The following TMEM254 variants were observed in gnomAD, a reference collection of about 807,000 sequenced individuals.
TMEM254 encodes transmembrane protein C10orf57.
TMEM254 carries 16 observed loss-of-function variants against 13.9 expected under a neutral mutation model. The ratio of observed to expected loss-of-function variants is 1.15; its 90% CI spans 0.78 to 1.75. TMEM254 has a LOEUF of 1.75. TMEM254 is among the 40% of genes most tolerant of loss of function. The probability of loss-of-function intolerance (pLI) is 0.00; values close to 1 mark genes in which losing one functional copy is unlikely to be tolerated. For missense variants in TMEM254, 155 were observed against 149.0 expected, an observed-to-expected ratio of 1.04 and a Z score of -0.21; for synonymous variants, 61 against 56.4, an observed-to-expected ratio of 1.08 and a Z score of -0.36.
rs1219913970 is a variant in TMEM254 at position 80,091,446 on chromosome 10, A to G, written c.*529A>G. 1 of 152,320 alleles carries G rather than the reference A, an allele frequency of 6.6e-6. No homozygotes were observed. The highest frequency in any genetic ancestry group is 1.5e-5 in the Non-Finnish European group (1 of 68,174). 9.4% of individuals were successfully genotyped at this position (152,320 alleles called of 1,614,324 possible). A position where few individuals can be genotyped will look rare whatever the true frequency, so the allele number is the denominator to read the frequency against. Reference sequence around the variant, plus strand: ...CTCTCAAACTTCCATTTCTCATGCTACAGAGAAAGATAAGGAAGATGAGCA... The same window carrying G: ...CTCTCAAACTTCCATTTCTCATGCTGCAGAGAAAGATAAGGAAGATGAGCA... On this transcript the variant is annotated 3_prime_UTR_variant, in exon 4 of 4. Transcript: ENST00000372281.
intron 3 of TMEM254, chr10:80,086,457 C>G (rs1844317564): frequency 3.0e-6 from 1 of 335,266 alleles, no homozygotes; most frequent in Non-Finnish European, 5.4e-6. Context: ...ATTTACTTTC[C>G]AAAACAAAAT....
At chr10:80,085,133 T>G (rs192378525) in intron 3 of TMEM254, among the ~76,000 whole-genome samples, 6 of 152,286 alleles carry the variant, frequency 3.9e-5, no homozygotes, top group Admixed American at 3.9e-4. Context: ...AAATTTAATA[T>G]ACAATTTTTT....
At position 80,086,269 on chromosome 10, in the gene TMEM254, G is replaced by T. The variant is rs1844308879; in HGVS notation, c.251+4065G>T. 3 of 1,472,764 alleles carry T rather than the reference G, an allele frequency of 2.0e-6. No individual in the cohort carries two copies. The East Asian group carries it at 8.6e-5, about 42-fold the overall frequency. The allele number at this position is 1,472,764 out of a possible 1,614,324, so 91.2% of individuals were successfully genotyped here. Reference sequence around the variant, plus strand: ...AGAATACGGATAAAGGTATGTGAATGAGAACAAGTTATGATGACCCCAGGA... The same window carrying T: ...AGAATACGGATAAAGGTATGTGAATTAGAACAAGTTATGATGACCCCAGGA... On this transcript the variant is annotated intron_variant, in intron 3 of 3. Coordinates refer to ENST00000372281, the MANE Select transcript of TMEM254 (RefSeq NM_025125.4).
chr10:80,081,944 G>A lies in TMEM254; in HGVS notation c.191G>A (p.Gly64Glu). 1 of 1,613,454 alleles carries A rather than the reference G, an allele frequency of 6.2e-7. No individual in the cohort carries two copies. Among genetic ancestry groups the A allele is most frequent in the Non-Finnish European group, 8.5e-7 (1 of 1,179,568 alleles). ...CACCATCACACCCTCCTGTGCAATG[G>A]GTAAGGAGAGCTGCACAAGTGGACT... is the stretch of plus-strand genomic sequence containing the variant. ...VDHHHTLLCNGYWLAWLIHVG... is the reference protein window; with the variant it reads ...VDHHHTLLCNEYWLAWLIHVG... Residue 64 changes from glycine (G) to glutamate (E), a missense_variant and splice_region_variant, in exon 2 of 4, where the codon GGG becomes GAG. Gly to Glu is a moderately conservative substitution (Grantham distance 98). Transcript: ENST00000372281.
At chr10:80,079,982 C>T (rs542548903) in intron 1 of TMEM254, among the ~76,000 whole-genome samples, 66 of 152,326 alleles carry the variant, frequency 4.3e-4, no homozygotes, top group African/African-American at 1.5e-3. Flanking sequence ...ACCAATAGAT[C>T]CTGGAGATTG....
intron 1 of TMEM254, 199 bp downstream of exon 1, chr10:80,078,985 G>A: frequency 6.5e-7 from 1 of 1,539,262 alleles, no homozygotes; most frequent in Non-Finnish European, 8.8e-7. Context: ...TTGGGCGGGC[G>A]CCCAGGGCCC....
intron 1 of TMEM254, 137 bp downstream of exon 1, chr10:80,078,923 G>A: frequency 6.6e-7 from 1 of 1,522,388 alleles, no homozygotes; most frequent in Non-Finnish European, 8.9e-7. Context: ...AGGAGCGGAG[G>A]GGAGGGGACC....
At chr10:80,084,447 C>T (rs1431295857) in intron 3 of TMEM254, among the ~76,000 whole-genome samples, 1 of 152,166 alleles carries the variant, frequency 6.6e-6, no homozygotes, top group African/African-American at 2.4e-5. Context: ...AAACAACTTC[C>T]GTATCCCTCC....
chr10:80,079,353 G>GT (rs1843841862), intron 1 of TMEM254: 1 of 1,181,186 alleles, frequency 8.5e-7, no homozygotes, highest in African/African-American at 1.6e-5. Context: ...CTGCTTTCTA[G>GT]TGTTCCTGTC....
chr10:80,079,283 T>A (rs752610189), intron 1 of TMEM254: 16 of 1,212,222 alleles, frequency 1.3e-5, no homozygotes, highest in Non-Finnish European at 1.7e-5. Flanking sequence ...CGCACGCGCA[T>A]CTGACGGTTG....
chr10:80,086,166 A>C (rs989357507), intron 3 of TMEM254: 1 of 1,096,914 alleles, frequency 9.1e-7, no homozygotes, highest in Non-Finnish European at 1.2e-6. Flanking sequence ...TCTTGGTGGA[A>C]TCATTAAGGG....
chr10:80,080,980 T>C lies in TMEM254; in HGVS notation c.88-861T>C, dbSNP rs552747992. Among the ~76,000 whole-genome samples, 363 of 152,326 alleles carry C rather than the reference T, an allele frequency of 2.4e-3. 4 individuals are homozygous for C. Among genetic ancestry groups the C allele is most frequent in the Non-Finnish European group, 3.2e-3 (220 of 68,028 alleles). On this transcript the variant is annotated intron_variant, in intron 1 of 3. Transcript: ENST00000372281. ...CTGTAGTCCCAGCTACTCTGGAGGC[T>C]GAGACAGGAGAGTCGTTTGAATCCG...
chr10:80,085,740 T>C (rs111361692), intron 3 of TMEM254, among the ~76,000 whole-genome samples: 4,928 of 152,238 alleles, frequency 0.032, 105 homozygotes, highest in South Asian at 0.058. Context: ...TCTTGTTACA[T>C]AACAATACTT....
chr10:80,080,995 G>A (rs748607756), intron 1 of TMEM254, among the ~76,000 whole-genome samples: 2 of 152,194 alleles, frequency 1.3e-5, no homozygotes, highest in East Asian at 1.9e-4. Context: ...CAGGAGAGTC[G>A]TTTGAATCCG....
intron 3 of TMEM254, among the ~76,000 whole-genome samples, chr10:80,088,913 T>A (rs1844446651): frequency 6.6e-6 from 1 of 151,910 alleles, no homozygotes; most frequent in Non-Finnish European, 1.5e-5. Context: ...TTGTTGTTGT[T>A]TTTGTTTTTG....
At chr10:80,086,128 C>A (rs1844302649) in intron 3 of TMEM254, 14 of 653,150 alleles carry the variant, frequency 2.1e-5, no homozygotes, top group Non-Finnish European at 3.3e-5. Context: ...AAAGTGTACT[C>A]ACAAAGAGAT....
At chr10:80,082,027 G>A in intron 2 of TMEM254, 83 bp downstream of exon 2, 1 of 1,558,926 alleles carries the variant, frequency 6.4e-7, no homozygotes, top group Non-Finnish European at 8.8e-7. Context: ...CTGCCTTTTG[G>A]TATCTAAGAG....
intron 3 of TMEM254, among the ~76,000 whole-genome samples, chr10:80,088,614 G>A (rs1026707888): frequency 1.1e-4 from 16 of 151,402 alleles, no homozygotes; most frequent in African/African-American, 3.6e-4. Context: ...ACTTTGAGAT[G>A]TTATTATAAA....
At chr10:80,090,021 A>G (rs56688967) in intron 3 of TMEM254, among the ~76,000 whole-genome samples, 2 of 144,772 alleles carry the variant, frequency 1.4e-5, no homozygotes, top group South Asian at 4.6e-4. Context: ...AAAAAAAAAA[A>G]GAAATTTGTC....
Sources: allele counts gnomAD v4.1 joint callset (sites outside exome capture counted in the v4.1 genomes callset), GRCh38; gene constraint gnomAD v4.1.1; transcripts MANE v1.5; gene names NCBI Gene and HGNC (gene_info 2026-07-23, HGNC 2026-07-21).